Variants in PLOD2 observed in about 807,000 individuals in gnomAD.
The protein encoded by PLOD2 is lysine hydroxylase 2.
In PLOD2, 65 loss-of-function variants were observed where a neutral mutation model predicts 101.0. The ratio of observed to expected loss-of-function variants is 0.64; its 90% CI spans 0.53 to 0.79. The LOEUF is 0.79. Ranked by LOEUF, PLOD2 falls within the 30% of genes least tolerant of loss-of-function variation. PLOD2 has a pLI of 0.00. For missense variants in PLOD2, 909 were observed against 914.6 expected, an observed-to-expected ratio of 0.99 and a Z score of 0.08; for synonymous variants, 314 against 302.9, an observed-to-expected ratio of 1.04 and a Z score of -0.38.
intron 1 of PLOD2, among the ~76,000 whole-genome samples, chr3:146,157,704 A>T (rs1403921751): frequency 6.6e-6 from 1 of 152,182 alleles, no homozygotes; most frequent in Non-Finnish European, 1.5e-5. Flanking sequence ...TTGTCTTCAC[A>T]TTCTCTATAG....
At chr3:146,144,905 G>A (rs552484039) in intron 1 of PLOD2, among the ~76,000 whole-genome samples, 2 of 152,124 alleles carry the variant, frequency 1.3e-5, no homozygotes, top group East Asian at 1.9e-4. Flanking sequence ...TTGATAGTGT[G>A]TTCATGGACA....
chr3:146,156,908 T>C (rs2108150840), intron 1 of PLOD2, among the ~76,000 whole-genome samples: 1 of 152,310 alleles, frequency 6.6e-6, no homozygotes, highest in South Asian at 2.1e-4. Context: ...AATCTCCATT[T>C]CACCACCAAT....
intron 1 of PLOD2, among the ~76,000 whole-genome samples, chr3:146,135,509 T>C (rs951054872): frequency 1.3e-5 from 2 of 152,118 alleles, no homozygotes; most frequent in Non-Finnish European, 2.9e-5. Context: ...AGAAACATTC[T>C]AGCATTCACC....
chr3:146,161,072 T>G lies in PLOD2; in HGVS notation c.-83A>C. 9.6e-7 allele frequency: 1 copy of G among 1,037,996 alleles called. No homozygotes were observed. The highest frequency in any genetic ancestry group is 1.4e-6 in the Non-Finnish European group (1 of 699,246). The allele number at this position is 1,037,996 out of a possible 1,614,324, so 64.3% of individuals were successfully genotyped here. On this transcript the variant is annotated 5_prime_UTR_variant, in exon 1 of 20. Transcript: ENST00000282903. ...TCTCGCGAGAACGCAGAGACCCGGG[T>G]CCGCCCTGAGCCGCCGATTGCGGGC...
rs202042741 is a variant in PLOD2 at position 146,072,398 on chromosome 3, GT to G, written c.1848+162del. Among the ~76,000 whole-genome samples the G allele has an allele frequency of 0.011, 1,596 of 151,798 alleles. 8 individuals are homozygous for G. Among genetic ancestry groups the G allele is most frequent in the Non-Finnish European group, 0.017 (1,172 of 67,798 alleles). On this transcript the variant is annotated intron_variant, in intron 17 of 19. Transcript: ENST00000282903. ...AATTACTTAAGTGTTAAAAAAATTG[GT>G]TGGTGGGAGAAGTAGACTGAAATCA...
intron 7 of PLOD2, among the ~76,000 whole-genome samples, chr3:146,096,043 C>A (rs1159581276): frequency 6.7e-6 from 1 of 148,476 alleles, no homozygotes; most frequent in Admixed American, 6.6e-5. Flanking sequence ...CGCGCCGCCA[C>A]GCCTGACTGG....
intron 1 of PLOD2, among the ~76,000 whole-genome samples, chr3:146,141,826 C>G (rs2031539013): frequency 6.6e-6 from 1 of 151,928 alleles, no homozygotes; most frequent in Non-Finnish European, 1.5e-5. Flanking sequence ...ATGGAAACTG[C>G]AGTAAAACTA....
intron 7 of PLOD2, 95 bp downstream of exon 7, chr3:146,102,660 G>C (rs757417026): frequency 1.4e-6 from 1 of 704,282 alleles, no homozygotes; most frequent in Non-Finnish European, 2.5e-6. Context: ...TAAAGTCTTT[G>C]AAAGAAATTT....
intron 1 of PLOD2, among the ~76,000 whole-genome samples, chr3:146,129,922 T>C (rs918132861): frequency 2.0e-5 from 3 of 152,182 alleles, no homozygotes; most frequent in Admixed American, 2.0e-4. Flanking sequence ...TTAGGCCAAC[T>C]TTGTACACTC....
chr3:146,146,748 T>G (rs2031799840), intron 1 of PLOD2, among the ~76,000 whole-genome samples: 5 of 152,222 alleles, frequency 3.3e-5, no homozygotes, highest in Admixed American at 3.3e-4. Flanking sequence ...AGTAGCCTCC[T>G]AGTTTGGTCA....
chr3:146,082,941 A>G (rs1453659098), intron 11 of PLOD2, among the ~76,000 whole-genome samples: 1 of 152,096 alleles, frequency 6.6e-6, no homozygotes, highest in Non-Finnish European at 1.5e-5. Flanking sequence ...CAAAATAATA[A>G]ATTTTGGTTT....
At position 146,102,567 on chromosome 3, in the gene PLOD2, G is replaced by A. The variant is rs554376006; in HGVS notation, c.777+188C>T. The stretch of plus-strand genomic sequence containing the variant: ...AATAAAAGGCTATCACTCTGCTGAG[G>A]AAAAATCAGTTTGATTAATTAATTA... On this transcript the variant is annotated intron_variant, in intron 7 of 19. Coordinates refer to ENST00000282903, the MANE Select transcript of PLOD2 (RefSeq NM_182943.3). Among the ~76,000 whole-genome samples the A allele has an allele frequency of 2.1e-4, 32 of 152,250 alleles. 1 individual carries two copies. In the South Asian group the frequency reaches 5.6e-3, roughly 27 times the overall value.
intron 2 of PLOD2, among the ~76,000 whole-genome samples, chr3:146,121,803 G>A (rs2030173421): frequency 6.6e-6 from 1 of 152,070 alleles, no homozygotes; most frequent in Admixed American, 6.6e-5. Flanking sequence ...GCAAGATATT[G>A]CCTAAGTATG....
At chr3:146,083,098 T>C (rs1342756868) in intron 11 of PLOD2, among the ~76,000 whole-genome samples, 1 of 152,168 alleles carries the variant, frequency 6.6e-6, no homozygotes, top group Non-Finnish European at 1.5e-5. Flanking sequence ...AAACATTTAA[T>C]TTAAAAAGAA....
At chr3:146,144,669 T>C (rs560489057) in intron 1 of PLOD2, among the ~76,000 whole-genome samples, 1 of 152,234 alleles carries the variant, frequency 6.6e-6, no homozygotes, top group South Asian at 2.1e-4. Flanking sequence ...ACTTATGGTA[T>C]AATCCCGTGA....
chr3:146,102,252 T>C (rs1009404429), intron 7 of PLOD2, among the ~76,000 whole-genome samples: 1 of 152,220 alleles, frequency 6.6e-6, no homozygotes, highest in African/African-American at 2.4e-5. Context: ...GCAAGCTCAA[T>C]TATACACATT....
chr3:146,108,362 T>C (rs1937572410), intron 4 of PLOD2, among the ~76,000 whole-genome samples: 1 of 152,016 alleles, frequency 6.6e-6, no homozygotes, highest in African/African-American at 2.4e-5. Context: ...AAAAAAAATT[T>C]TAGTAGAAAT....
chr3:146,144,252 C>T (rs1233952862), intron 1 of PLOD2, among the ~76,000 whole-genome samples: 2 of 152,044 alleles, frequency 1.3e-5, no homozygotes, highest in Non-Finnish European at 2.9e-5. Flanking sequence ...GAATATGCAA[C>T]TCACATAAGA....
At chr3:146,098,620 A>AT (rs1937283012) in intron 7 of PLOD2, among the ~76,000 whole-genome samples, 1 of 152,094 alleles carries the variant, frequency 6.6e-6, no homozygotes, top group Admixed American at 6.6e-5. Context: ...AATTGTTAAT[A>AT]TTTTTTCCAA....
Sources: allele counts gnomAD v4.1 joint callset (sites outside exome capture counted in the v4.1 genomes callset), GRCh38; gene constraint gnomAD v4.1.1; transcripts MANE v1.5; gene names NCBI Gene and HGNC (gene_info 2026-07-23, HGNC 2026-07-21).